RBM25: variants seen among roughly 807,000 people sequenced by gnomAD.
RBM25 encodes RNA-binding protein 25.
Under a neutral mutation model 120.7 loss-of-function variants are expected in RBM25, and 19 were observed. The ratio of observed to expected loss-of-function variants is 0.16; its 90% CI spans 0.11 to 0.23. RBM25 has a LOEUF of 0.23. Among genes scored for constraint, RBM25 ranks in the 10% least tolerant of loss-of-function variants. The pLI, the probability that RBM25 is intolerant of heterozygous loss-of-function variation, is 1.00. For missense variants in RBM25, 605 were observed against 1,041.5 expected (o/e 0.58, Z 5.77); for synonymous variants, 390 against 326.7 (o/e 1.19, Z -2.09).
intron 15 of RBM25, 107 bp from the exon 16 acceptor site, chr14:73,111,421 C>CT (rs1364907168): frequency 3.9e-6 from 5 of 1,268,896 alleles, no homozygotes; most frequent in Non-Finnish European, 5.4e-6. Context: ...GGATCTTTCT[C>CT]TAAGATTTGT....
At chr14:73,090,057 C>G (rs79507232) in intron 6 of RBM25, among the ~76,000 whole-genome samples, 1,760 of 151,612 alleles carry the variant, frequency 0.012, 31 homozygotes, top group African/African-American at 0.038. Context: ...AAAGTACCCC[C>G]CCTCTTTTTT....
chr14:73,118,961 G>T (rs1896490741), intron 18 of RBM25, among the ~76,000 whole-genome samples: 1 of 151,908 alleles, frequency 6.6e-6, no homozygotes, highest in South Asian at 2.1e-4. Context: ...TAGAGATGGG[G>T]TTTCGTCATG....
intron 1 of RBM25, among the ~76,000 whole-genome samples, chr14:73,064,438 A>G (rs953980768): frequency 1.3e-5 from 2 of 151,416 alleles, no homozygotes; most frequent in Admixed American, 6.6e-5. Flanking sequence ...TCTGTCACCC[A>G]GGTTGGAGTG....
intron 1 of RBM25, among the ~76,000 whole-genome samples, chr14:73,066,896 A>C (rs1008822545): frequency 2.6e-5 from 4 of 152,214 alleles, no homozygotes; most frequent in Admixed American, 2.6e-4. Context: ...GGAAATGTAA[A>C]TTGAAATAAG....
At chr14:73,091,369 C>T in intron 6 of RBM25, among the ~76,000 whole-genome samples, 1 of 152,066 alleles carries the variant, frequency 6.6e-6, no homozygotes, top group Non-Finnish European at 1.5e-5. Flanking sequence ...TATGCACCAC[C>T]ATACTGGCTA....
intron 5 of RBM25, among the ~76,000 whole-genome samples, chr14:73,085,270 G>A (rs935158217): frequency 6.6e-6 from 1 of 151,910 alleles, no homozygotes; most frequent in African/African-American, 2.4e-5. Flanking sequence ...GCCCGCCTTG[G>A]CCTCCCAAAG....
intron 4 of RBM25, among the ~76,000 whole-genome samples, chr14:73,080,476 G>T (rs1241031866): frequency 6.6e-6 from 1 of 152,030 alleles, no homozygotes; most frequent in Non-Finnish European, 1.5e-5. Flanking sequence ...GCCCGCTTTG[G>T]CCTCCCAAAG....
intron 7 of RBM25, among the ~76,000 whole-genome samples, chr14:73,098,117 C>G (rs532736625): frequency 6.6e-6 from 1 of 152,212 alleles, no homozygotes; most frequent in East Asian, 1.9e-4. Context: ...AAAAATCCCA[C>G]AAATATTGGA....
In RBM25 at chr14:73,119,934, T is replaced by A. The variant is rs954152838; in HGVS notation, c.*129T>A. 3 of 1,373,452 alleles carry A rather than the reference T, an allele frequency of 2.2e-6. No individual in the cohort carries two copies. Among genetic ancestry groups the A allele is most frequent in the African/African-American group, 2.9e-5 (2 of 68,244 alleles). 85.1% of individuals were successfully genotyped at this position (1,373,452 alleles called of 1,614,324 possible). On this transcript the variant is annotated 3_prime_UTR_variant, in exon 19 of 19. Coordinates refer to ENST00000261973, the MANE Select transcript of RBM25 (RefSeq NM_021239.3). ...TTTTTTTTTGTAGAAAATGTGAATT[T>A]TTTGGTCCTCTAATTTGTTGTTGCC...
chr14:73,089,056 G>A (rs1040397850), intron 6 of RBM25, among the ~76,000 whole-genome samples: 2 of 152,104 alleles, frequency 1.3e-5, no homozygotes, highest in Admixed American at 6.5e-5. Context: ...CAGGAGAATC[G>A]CTTGAACTGC....
At chr14:73,069,029 G>A (rs929084639) in intron 1 of RBM25, among the ~76,000 whole-genome samples, 1 of 151,870 alleles carries the variant, frequency 6.6e-6, no homozygotes, top group African/African-American at 2.4e-5. Context: ...TCAGCCTCCC[G>A]AGTAGCTGGG....
chr14:73,082,655 TA>T (rs1346375119), intron 4 of RBM25, among the ~76,000 whole-genome samples: 1 of 152,216 alleles, frequency 6.6e-6, no homozygotes, highest in Non-Finnish European at 1.5e-5. Flanking sequence ...CATTTTGGAA[TA>T]TTTCTCTTTA....
At chr14:73,087,503 C>T (rs1470415448) in intron 5 of RBM25, among the ~76,000 whole-genome samples, 3 of 151,810 alleles carry the variant, frequency 2.0e-5, no homozygotes, top group Non-Finnish European at 4.4e-5. Flanking sequence ...TCACGCCATA[C>T]TCCTGCCTCA....
At chr14:73,093,191 A>G (rs1306589416) in intron 6 of RBM25, among the ~76,000 whole-genome samples, 4 of 152,336 alleles carry the variant, frequency 2.6e-5, no homozygotes, top group African/African-American at 7.2e-5. Flanking sequence ...GAAAGAACCT[A>G]TTTAATAGAG....
At chr14:73,068,007 C>T in intron 1 of RBM25, 1 of 305,036 alleles carries the variant, frequency 3.3e-6, no homozygotes, top group Non-Finnish European at 6.3e-6. Flanking sequence ...GAGTTGACTG[C>T]CAGTTTCTTA....
chr14:73,085,766 G>C (rs1398185855), intron 5 of RBM25, among the ~76,000 whole-genome samples: 1 of 152,132 alleles, frequency 6.6e-6, no homozygotes, highest in Non-Finnish European at 1.5e-5. Context: ...ATTTAATACA[G>C]AATAGGCAGG....
chr14:73,115,153 CGTGT>C (rs33924709), intron 18 of RBM25, among the ~76,000 whole-genome samples: 26,906 of 146,612 alleles, frequency 0.18, 2,458 homozygotes, highest in South Asian at 0.22. Context: ...GGAACTGATA[CGTGT>C]GTGTGTGTGT....
chr14:73,069,834 T>C (rs1482742818), intron 1 of RBM25: 1 of 147,176 alleles, frequency 6.8e-6, no homozygotes, highest in African/African-American at 2.5e-5. Flanking sequence ...TCTTTCTTTT[T>C]TTTTTTTTTT....
At chr14:73,080,363 A>G (rs1263439722) in intron 4 of RBM25, among the ~76,000 whole-genome samples, 1 of 151,578 alleles carries the variant, frequency 6.6e-6, no homozygotes, top group Non-Finnish European at 1.5e-5. Context: ...AGCTGGGACT[A>G]CAGGCGCCCG....
Sources: allele counts gnomAD v4.1 joint callset (sites outside exome capture counted in the v4.1 genomes callset), GRCh38; gene constraint gnomAD v4.1.1; transcripts MANE v1.5; gene names NCBI Gene and HGNC (gene_info 2026-07-23, HGNC 2026-07-21).